The following FAM135B variants were observed in gnomAD, a reference collection of about 807,000 sequenced individuals.
FAM135B encodes the protein protein FAM135B.
FAM135B carries 43 observed loss-of-function variants against 127.7 expected under a neutral mutation model. The observed-to-expected ratio is 0.34, with a 90% CI of 0.26 to 0.43. The LOEUF is 0.43. FAM135B is among the 20% of genes least tolerant of loss of function. FAM135B has a pLI of 1.00. For synonymous variants in FAM135B, 670 were observed against 665.1 expected, an observed-to-expected ratio of 1.01 and a Z score of -0.11; for missense variants, 1,558 against 1,725.6, an observed-to-expected ratio of 0.90 and a Z score of 1.72.
At chr8:138,252,989 T>A (rs528457422) in intron 5 of FAM135B, among the ~76,000 whole-genome samples, 38 of 152,238 alleles carry the variant, frequency 2.5e-4, no homozygotes, top group Non-Finnish European at 4.9e-4. Flanking sequence ...TCAGTAGAGA[T>A]GGGGTTTCAC....
rs200104266 is a variant in FAM135B at position 138,225,456 on chromosome 8, A to C, written c.669+17486T>G. ...TGTCTGCTATTTAAGCCAAAAAAAC[A>C]AAAAAAAAACAAAAAAACAAAAAAA... is the stretch of plus-strand genomic sequence containing the variant. On this transcript the variant is annotated intron_variant, in intron 7 of 19. Coordinates refer to ENST00000395297, the MANE Select transcript of FAM135B (RefSeq NM_015912.4). Among the ~76,000 whole-genome samples the C allele has an allele frequency of 7.2e-3, 546 of 75,568 alleles. 1 individual carries two copies. Among genetic ancestry groups the C allele is most frequent in the Non-Finnish European group, 0.012 (432 of 35,736 alleles). The allele number at this position is 75,568 out of a possible 152,430, so 49.6% of individuals were successfully genotyped here.
chr8:138,410,807 C>G (rs150332083), intron 1 of FAM135B, among the ~76,000 whole-genome samples: 2 of 152,286 alleles, frequency 1.3e-5, no homozygotes, highest in African/African-American at 4.8e-5. Context: ...GAAAATAAAT[C>G]ATTTTACCAA....
intron 7 of FAM135B, among the ~76,000 whole-genome samples, chr8:138,226,379 T>C (rs999257679): frequency 6.6e-6 from 1 of 151,980 alleles, no homozygotes; most frequent in Non-Finnish European, 1.5e-5. Context: ...TCTGTTACAA[T>C]GTATGCTAAA....
At chr8:138,483,900 T>A (rs1180712284) in intron 1 of FAM135B, among the ~76,000 whole-genome samples, 1 of 152,186 alleles carries the variant, frequency 6.6e-6, no homozygotes, top group Non-Finnish European at 1.5e-5. Flanking sequence ...TTTTGACACA[T>A]ACATTAATCA....
At chr8:138,252,060 G>T (rs1288789853) in intron 5 of FAM135B, among the ~76,000 whole-genome samples, 1 of 152,206 alleles carries the variant, frequency 6.6e-6, no homozygotes, top group Non-Finnish European at 1.5e-5. Context: ...AGAGCTCAGG[G>T]TGACTCCATA....
chr8:138,317,405 T>C (rs941225025), intron 2 of FAM135B, among the ~76,000 whole-genome samples: 1 of 152,154 alleles, frequency 6.6e-6, no homozygotes, highest in Non-Finnish European at 1.5e-5. Flanking sequence ...ACATAAAATG[T>C]GAGATCCACG....
chr8:138,361,903 A>G (rs1455743882), intron 2 of FAM135B, among the ~76,000 whole-genome samples: 1 of 152,126 alleles, frequency 6.6e-6, no homozygotes, highest in African/African-American at 2.4e-5. Context: ...TCTTCATAGT[A>G]TCCCCAGTCT....
chr8:138,438,049 G>C (rs537514821), intron 1 of FAM135B: 1 of 152,076 alleles, frequency 6.6e-6, no homozygotes, highest in East Asian at 1.9e-4. Flanking sequence ...AAAAACACCC[G>C]AGAGTACAAA....
rs2130766909 is a variant in FAM135B at position 138,152,371 on chromosome 8, T to C, written c.2104A>G (p.Ser702Gly). ...TCACTGGGCAACTCCAGAGCCCTGC[T>C]TCGGGCCTCTGACCAGGCGACGGAG... ...PSSVAWSEAR[S>G]RALELPSDRE... The change falls in exon 13 of 20, where the codon AGC (serine) becomes GGC (glycine). Residue 702 changes from serine (S) to glycine (G), a missense_variant. This residue lies in a region of FAM135B where 923 missense variants were observed against 865.3 expected (regional missense o/e 1.07). Coordinates refer to ENST00000395297, the MANE Select transcript of FAM135B (RefSeq NM_015912.4). The C allele has an allele frequency of 6.2e-7, 1 of 1,614,198 alleles. No individual in the cohort carries two copies. The highest frequency in any genetic ancestry group is 8.5e-7 in the Non-Finnish European group (1 of 1,180,040).
intron 1 of FAM135B, among the ~76,000 whole-genome samples, chr8:138,455,122 A>C (rs571193483): frequency 6.6e-6 from 1 of 152,378 alleles, no homozygotes; most frequent in East Asian, 1.9e-4. Flanking sequence ...TGGGGGATCT[A>C]TTTTAATGTA....
At position 138,243,119 on chromosome 8, in the gene FAM135B, G is replaced by A. The variant is rs767586688; in HGVS notation, c.543-51C>T. 6.4e-7 allele frequency: 1 copy of A among 1,571,504 alleles called. No homozygotes were observed. The highest frequency in any genetic ancestry group is 2.3e-5 in the East Asian group (1 of 44,248). On this transcript the variant is annotated intron_variant, in intron 6 of 19. Coordinates refer to ENST00000395297, the MANE Select transcript of FAM135B (RefSeq NM_015912.4). This position sits in a 1 kb window ranked among gnomAD's most constrained non-coding sequence, Gnocchi z 7.5. ...GAAAAAGGAGGTAAAGAAAGTGATG[G>A]TGCCATTAACTCAGCCCCTTTGAGG...
chr8:138,166,922 G>A (rs1819982765), intron 12 of FAM135B, among the ~76,000 whole-genome samples: 1 of 151,928 alleles, frequency 6.6e-6, no homozygotes, highest in African/African-American at 2.4e-5. Flanking sequence ...TTTCCTGTTG[G>A]TTCAGGAAAA....
chr8:138,399,870 C>T (rs1366467595), intron 1 of FAM135B, among the ~76,000 whole-genome samples: 1 of 152,092 alleles, frequency 6.6e-6, no homozygotes. Flanking sequence ...CATCAGAGGA[C>T]ATAATATGGA....
chr8:138,486,704 C>G (rs528672451), intron 1 of FAM135B, among the ~76,000 whole-genome samples: 3 of 152,192 alleles, frequency 2.0e-5, no homozygotes, highest in Non-Finnish European at 4.4e-5. Flanking sequence ...CTGTCCTCTC[C>G]CTTGTCTAAT....
chr8:138,269,839 CA>C (rs1440874707), intron 3 of FAM135B, among the ~76,000 whole-genome samples: 1 of 152,070 alleles, frequency 6.6e-6, no homozygotes, highest in Non-Finnish European at 1.5e-5. Flanking sequence ...TATCAAAATC[CA>C]AACAGATTTC....
At chr8:138,460,475 C>T (rs2131615054) in intron 1 of FAM135B, among the ~76,000 whole-genome samples, 1 of 152,340 alleles carries the variant, frequency 6.6e-6, no homozygotes, top group South Asian at 2.1e-4. Context: ...AGAGCCAATT[C>T]ACACCAACAG....
At chr8:138,353,781 A>C (rs536057933) in intron 2 of FAM135B, among the ~76,000 whole-genome samples, 49 of 112,358 alleles carry the variant, frequency 4.4e-4, no homozygotes, top group African/African-American at 1.3e-3. Flanking sequence ...GAGCTCACAC[A>C]CCTGTGCTAG....
chr8:138,339,827 G>A (rs997531762), intron 2 of FAM135B, among the ~76,000 whole-genome samples: 3 of 152,162 alleles, frequency 2.0e-5, no homozygotes, highest in Non-Finnish European at 4.4e-5. Flanking sequence ...CTGCAGGGCT[G>A]GACTCCAAAG....
intron 5 of FAM135B, among the ~76,000 whole-genome samples, chr8:138,252,864 AT>A (rs1409715922): frequency 1.3e-5 from 2 of 152,152 alleles, no homozygotes; most frequent in East Asian, 3.9e-4. Flanking sequence ...CAGTGGCATA[AT>A]CTCGGCTCAC....
Sources: gnomAD v4.1 joint callset for allele counts (sites outside exome capture counted in the v4.1 genomes callset) on GRCh38, gnomAD v4.1.1 for gene constraint, gnomAD v4.1.1 regional missense constraint, Gnocchi (gnomAD v3.1) non-coding constraint, MANE v1.5 for transcripts, NCBI Gene and HGNC (gene_info 2026-07-23, HGNC 2026-07-21) for gene names.